PODXL: variants seen among roughly 807,000 people sequenced by gnomAD.
PODXL encodes podocalyxin.
In PODXL, 20 loss-of-function variants were observed where a neutral mutation model predicts 48.9. That is an observed-to-expected ratio of 0.41 (90% CI 0.29 to 0.59). The LOEUF (loss-of-function observed/expected upper bound fraction) is 0.59. Among genes scored for constraint, PODXL ranks in the 20% least tolerant of loss-of-function variants. The pLI, the probability that PODXL is intolerant of heterozygous loss-of-function variation, is 0.31. For missense variants in PODXL, 606 were observed against 675.1 expected, an observed-to-expected ratio of 0.90 and a Z score of 1.13; for synonymous variants, 295 against 287.4, an observed-to-expected ratio of 1.03 and a Z score of -0.27.
intron 6 of PODXL, 41 bp from the exon 7 acceptor site, chr7:131,506,362 G>T: frequency 6.2e-7 from 1 of 1,604,188 alleles, no homozygotes; most frequent in Non-Finnish European, 8.5e-7. Flanking sequence ...CCAGCCCAGA[G>T]CGAGGCAGTG....
rs1451756200 is a variant in PODXL at position 131,521,542 on chromosome 7, T to C, written c.101-10109A>G. ...TAGAGAAGGGGTTTCACCATGTTGGTCAGGTTGGTCTCGAACTCCTGACCT... is the reference window on the plus strand; with the variant it reads ...TAGAGAAGGGGTTTCACCATGTTGGCCAGGTTGGTCTCGAACTCCTGACCT... On this transcript the variant is annotated intron_variant, in intron 1 of 8. Coordinates refer to ENST00000378555, the MANE Select transcript of PODXL (RefSeq NM_001018111.3). 2.6e-5 allele frequency among the ~76,000 whole-genome samples: 4 copies of C among 152,064 alleles called. No individual in the cohort carries two copies. In the East Asian group the frequency reaches 7.7e-4, roughly 29 times the overall value.
chr7:131,531,984 G>C (rs1484905977), intron 1 of PODXL, among the ~76,000 whole-genome samples: 1 of 151,848 alleles, frequency 6.6e-6, no homozygotes, highest in Non-Finnish European at 1.5e-5. Context: ...GTGGTGCATG[G>C]CTGTAATCCC....
In PODXL at chr7:131,502,011, G is replaced by T. The variant is rs1343167930; in HGVS notation, c.*2300C>A. The stretch of plus-strand genomic sequence containing the variant: ...AGTCAGGAGAGTCAGGACCGACCTG[G>T]CCAGGCACTCCTGCTCTCTAGTCCT... On this transcript the variant is annotated 3_prime_UTR_variant, in exon 9 of 9. Transcript: ENST00000378555. 6 of 152,156 alleles carry T rather than the reference G, an allele frequency of 3.9e-5. No homozygotes were observed. Among genetic ancestry groups the T allele is most frequent in the Non-Finnish European group, 8.8e-5 (6 of 68,064 alleles). 9.4% of individuals were successfully genotyped at this position (152,156 alleles called of 1,614,324 possible). A position where few individuals can be genotyped will look rare whatever the true frequency, so the allele number is the denominator to read the frequency against.
chr7:131,529,055 G>A (rs1798231651), intron 1 of PODXL, among the ~76,000 whole-genome samples: 1 of 151,064 alleles, frequency 6.6e-6, no homozygotes, highest in African/African-American at 2.4e-5. Flanking sequence ...TTCAGGGGGG[G>A]AAACGGGAAT....
rs903673615 is a variant in PODXL at position 131,501,507 on chromosome 7, C to T, written c.*2804G>A. On this transcript the variant is annotated 3_prime_UTR_variant, in exon 9 of 9. Coordinates refer to ENST00000378555, the MANE Select transcript of PODXL (RefSeq NM_001018111.3). ...TCTGGTGCCTAGACTAGATTAAACC[C>T]GTATTCTGTCTTACAACGCAAAGAA... 5 of 152,448 alleles carry T rather than the reference C, an allele frequency of 3.3e-5. No homozygotes were observed. The highest frequency in any genetic ancestry group is 7.2e-5 in the African/African-American group (3 of 41,440). 9.4% of individuals were successfully genotyped at this position (152,448 alleles called of 1,614,324 possible). A position where few individuals can be genotyped will look rare whatever the true frequency, so the allele number is the denominator to read the frequency against.
At chr7:131,547,081 T>C (rs1798590490) in intron 1 of PODXL, among the ~76,000 whole-genome samples, 1 of 151,968 alleles carries the variant, frequency 6.6e-6, no homozygotes, top group African/African-American at 2.4e-5. Flanking sequence ...ATACAAGAAA[T>C]AAAATCAACA....
intron 1 of PODXL, among the ~76,000 whole-genome samples, chr7:131,522,693 A>G: frequency 6.8e-6 from 1 of 147,742 alleles, no homozygotes; most frequent in East Asian, 1.9e-4. Flanking sequence ...GTAGGCAGCC[A>G]CTAATCTACT....
intron 1 of PODXL, among the ~76,000 whole-genome samples, chr7:131,534,778 G>A (rs1012947139): frequency 6.6e-6 from 1 of 152,186 alleles, no homozygotes; most frequent in Non-Finnish European, 1.5e-5. Context: ...GGCCGGGTGT[G>A]GTGGCTCACA....
chr7:131,512,992 C>T (rs1797938709), intron 1 of PODXL, among the ~76,000 whole-genome samples: 1 of 54,678 alleles, frequency 1.8e-5, no homozygotes, highest in African/African-American at 1.1e-4. Flanking sequence ...AAGACTCCGT[C>T]TCAAAAAAAA....
chr7:131,546,674 C>G (rs1038950183), intron 1 of PODXL, among the ~76,000 whole-genome samples: 1 of 134,638 alleles, frequency 7.4e-6, no homozygotes, highest in Non-Finnish European at 1.5e-5. Flanking sequence ...TGCAGTGAGT[C>G]GAGATCGTGC....
chr7:131,507,666 A>AG (rs141763647), intron 5 of PODXL, among the ~76,000 whole-genome samples: 53,040 of 144,990 alleles, frequency 0.37, 9,658 homozygotes, highest in East Asian at 0.46. Flanking sequence ...TTTCTAGCAA[A>AG]GGGAAAAAAA....
chr7:131,545,914 A>G (rs545687512), intron 1 of PODXL, among the ~76,000 whole-genome samples: 1 of 152,402 alleles, frequency 6.6e-6, no homozygotes, highest in South Asian at 2.1e-4. Flanking sequence ...AAAAAACCTC[A>G]TATGGTGCTA....
At chr7:131,519,906 G>C (rs976900990) in intron 1 of PODXL, among the ~76,000 whole-genome samples, 1 of 151,868 alleles carries the variant, frequency 6.6e-6, no homozygotes, top group Non-Finnish European at 1.5e-5. Flanking sequence ...TGTATTTTTT[G>C]TAGAGATAGG....
At chr7:131,512,592 C>A (rs1797932867) in intron 1 of PODXL, among the ~76,000 whole-genome samples, 1 of 152,002 alleles carries the variant, frequency 6.6e-6, no homozygotes, top group African/African-American at 2.4e-5. Context: ...AAGGAGGGGT[C>A]AGGTTCAGGG....
At position 131,511,173 on chromosome 7, in the gene PODXL, C is replaced by G. The variant is rs537767017; in HGVS notation, c.361G>C (p.Glu121Gln). ...GCACTTTTTGTGCTCTTGGGGCTCT[C>G]GATGGTGGTAGTAGGGTTGCCTGAG... Reference protein sequence around the residue: ...GGSGNPTTTIESPKSTKSADT... With the variant: ...GGSGNPTTTIQSPKSTKSADT... Residue 121 changes from glutamate (E) to glutamine (Q), a missense_variant, in exon 2 of 9, where the codon GAG (glutamate) becomes CAG (glutamine). Coordinates refer to ENST00000378555, the MANE Select transcript of PODXL (RefSeq NM_001018111.3). 7.4e-6 allele frequency: 12 copies of G among 1,613,860 alleles called. No homozygotes were observed. The South Asian group carries it at 1.2e-4, about 16-fold the overall frequency.
chr7:131,542,384 G>A (rs958810052), intron 1 of PODXL, among the ~76,000 whole-genome samples: 14 of 152,168 alleles, frequency 9.2e-5, no homozygotes, highest in Non-Finnish European at 1.8e-4. Context: ...GGCTGGCTGC[G>A]GTGACTCACG....
intron 1 of PODXL, among the ~76,000 whole-genome samples, chr7:131,540,709 C>A (rs75215844): frequency 6.6e-6 from 1 of 152,130 alleles, no homozygotes; most frequent in Non-Finnish European, 1.5e-5. Context: ...ACGCCACCTC[C>A]GGCCTCCTGC....
chr7:131,515,392 A>G (rs1797977349), intron 1 of PODXL, among the ~76,000 whole-genome samples: 2 of 152,176 alleles, frequency 1.3e-5, no homozygotes, highest in South Asian at 4.2e-4. Context: ...TCTTATGTGA[A>G]AATAGGACCT....
intron 1 of PODXL, among the ~76,000 whole-genome samples, chr7:131,544,639 GCACGCACGCCCTGTACTAC>G: frequency 6.0e-5 from 1 of 16,756 alleles, no homozygotes; most frequent in Non-Finnish European, 7.6e-4. Context: ...CAGGGCCTCC[GCACGCACGCCCTGTACTAC>G]GCACGCACGC....
Sources: gnomAD v4.1 joint callset for allele counts (sites outside exome capture counted in the v4.1 genomes callset) on GRCh38, gnomAD v4.1.1 for gene constraint, MANE v1.5 for transcripts, NCBI Gene and HGNC (gene_info 2026-07-23, HGNC 2026-07-21) for gene names.